DOK5: variants seen among roughly 807,000 people sequenced by gnomAD.
DOK5 encodes the protein downstream of tyrosine kinase 5.
A neutral mutation model predicts 43.3 loss-of-function variants in DOK5; 27 were observed. That is an observed-to-expected ratio of 0.62 (90% confidence interval 0.46 to 0.86). The LOEUF (loss-of-function observed/expected upper bound fraction) is 0.86. Ranked by LOEUF, DOK5 falls within the 40% of genes least tolerant of loss-of-function variation. The pLI is 0.00. For missense variants in DOK5, 373 were observed against 392.9 expected (o/e 0.95, Z 0.43); for synonymous variants, 146 against 140.1 (o/e 1.04, Z -0.30).
At chr20:54,611,137 G>A (rs915627844) in intron 6 of DOK5, among the ~76,000 whole-genome samples, 1 of 152,156 alleles carries the variant, frequency 6.6e-6, no homozygotes, top group East Asian at 1.9e-4. Context: ...ACAGCCATGC[G>A]TGTGCCATCT....
intron 1 of DOK5, among the ~76,000 whole-genome samples, chr20:54,486,556 T>TACACACACACACATGCAC (rs1054155617): frequency 6.6e-6 from 1 of 150,998 alleles, no homozygotes; most frequent in East Asian, 1.9e-4. Flanking sequence ...TTTCTCATTT[T>TACACACACACACATGCAC]ACACACACAC....
chr20:54,588,610 C>A lies in DOK5; in HGVS notation c.289+13C>A. The A allele has an allele frequency of 6.2e-7, 1 of 1,614,076 alleles. No individual in the cohort carries two copies. The highest frequency in any genetic ancestry group is 8.5e-7 in the Non-Finnish European group (1 of 1,179,938). On this transcript the variant is annotated intron_variant, in intron 3 of 7. Coordinates refer to ENST00000262593, the MANE Select transcript of DOK5 (RefSeq NM_018431.5). Reference sequence around the variant, plus strand: ...GCTTGCGAATCAGGTTTGTCTCAGGCAGGGCTGGGGGGCTTTTGCTTTTAG... The same window carrying A: ...GCTTGCGAATCAGGTTTGTCTCAGGAAGGGCTGGGGGGCTTTTGCTTTTAG...
At chr20:54,597,696 G>A (rs1454464497) in intron 5 of DOK5, among the ~76,000 whole-genome samples, 1 of 152,128 alleles carries the variant, frequency 6.6e-6, no homozygotes, top group Admixed American at 6.6e-5. Flanking sequence ...CTGGAGGTTA[G>A]CCTAGTTCTT....
intron 7 of DOK5, among the ~76,000 whole-genome samples, chr20:54,644,503 G>C (rs1979279706): frequency 6.6e-6 from 1 of 151,802 alleles, no homozygotes; most frequent in Non-Finnish European, 1.5e-5. Context: ...AGGAGATCGA[G>C]ACCATCCTGG....
chr20:54,645,245 A>G (rs1979352429), intron 7 of DOK5, among the ~76,000 whole-genome samples: 1 of 141,848 alleles, frequency 7.0e-6, no homozygotes, highest in Non-Finnish European at 1.6e-5. Flanking sequence ...TTAGTCCTCC[A>G]TGCTCGCTCT....
At chr20:54,480,106 C>T (rs540584085) in intron 1 of DOK5, among the ~76,000 whole-genome samples, 1 of 152,230 alleles carries the variant, frequency 6.6e-6, no homozygotes, top group East Asian at 1.9e-4. Context: ...TAAAGTGTTC[C>T]TTTGGAAATG....
intron 2 of DOK5, among the ~76,000 whole-genome samples, chr20:54,578,823 G>A (rs777943563): frequency 1.2e-4 from 18 of 152,124 alleles, no homozygotes; most frequent in South Asian, 4.2e-4. Context: ...TGTTGCTTGC[G>A]GAATACAATC....
At chr20:54,489,447 T>G (rs1470866104) in intron 1 of DOK5, among the ~76,000 whole-genome samples, 1 of 152,164 alleles carries the variant, frequency 6.6e-6, no homozygotes, top group Non-Finnish European at 1.5e-5. Context: ...TGCGTTTGCA[T>G]GCAATTTATA....
At chr20:54,636,919 A>G (rs903223952) in intron 6 of DOK5, among the ~76,000 whole-genome samples, 3 of 152,220 alleles carry the variant, frequency 2.0e-5, no homozygotes, top group Admixed American at 6.5e-5. Flanking sequence ...GGGGGGGACA[A>G]ACATTCAAAC....
rs1274245501 is a variant in DOK5 at position 54,496,792 on chromosome 20, A to T, written c.66+20780A>T. ...AAAAAAAAAAAAAAAAAAAAGAAAA[A>T]AATGAACCAGCATAAATCGACATTT... On this transcript the variant is annotated intron_variant, in intron 1 of 7. Transcript: ENST00000262593. 5.3e-5 allele frequency among the ~76,000 whole-genome samples: 8 copies of T among 151,980 alleles called. No homozygotes were observed. The East Asian group carries it at 1.5e-3, about 29-fold the overall frequency.
intron 6 of DOK5, among the ~76,000 whole-genome samples, chr20:54,636,471 A>C (rs1372326968): frequency 2.6e-5 from 4 of 152,232 alleles, no homozygotes; most frequent in African/African-American, 9.6e-5. Context: ...ATGGCTGTTC[A>C]GATTTTTGCA....
At chr20:54,590,297 G>A (rs1338494725) in intron 4 of DOK5, among the ~76,000 whole-genome samples, 1 of 152,096 alleles carries the variant, frequency 6.6e-6, no homozygotes, top group African/African-American at 2.4e-5. Flanking sequence ...CCTTTCCAAT[G>A]TTAATTAGTA....
intron 1 of DOK5, among the ~76,000 whole-genome samples, chr20:54,493,357 G>A (rs934585782): frequency 1.1e-4 from 16 of 151,952 alleles, no homozygotes; most frequent in South Asian, 6.2e-4. Flanking sequence ...GTAGGCACGC[G>A]CTTTCCTTTG....
intron 1 of DOK5, among the ~76,000 whole-genome samples, chr20:54,503,029 T>C (rs1982669111): frequency 6.6e-6 from 1 of 152,170 alleles, no homozygotes; most frequent in African/African-American, 2.4e-5. Flanking sequence ...ATACTATGTT[T>C]TGTGTAAGAA....
In DOK5 at chr20:54,475,793, T is replaced by G; in HGVS notation, c.-154T>G. On this transcript the variant is annotated 5_prime_UTR_variant, in exon 1 of 8. Transcript: ENST00000262593. The surrounding 1 kb of genome is among the most constrained non-coding windows in gnomAD (Gnocchi z 4.2). Reference sequence around the variant, plus strand: ...GGTTGGGGGGACAGAGAAAGTGATGTGCGCCTTCTAAAGCCTCGCCCAGCG... The same window carrying G: ...GGTTGGGGGGACAGAGAAAGTGATGGGCGCCTTCTAAAGCCTCGCCCAGCG... The G allele has an allele frequency of 1.2e-6, 1 of 860,266 alleles. No homozygotes were observed. Among genetic ancestry groups the G allele is most frequent in the Non-Finnish European group, 1.8e-6 (1 of 550,998 alleles). 53.3% of individuals were successfully genotyped at this position (860,266 alleles called of 1,614,324 possible).
chr20:54,579,717 G>T (rs552994207), intron 2 of DOK5, among the ~76,000 whole-genome samples: 1 of 152,184 alleles, frequency 6.6e-6, no homozygotes, highest in East Asian at 1.9e-4. Flanking sequence ...CCGTGTTGGA[G>T]CATATGACAG....
At chr20:54,585,165 G>C (rs1985764111) in intron 2 of DOK5, among the ~76,000 whole-genome samples, 1 of 150,812 alleles carries the variant, frequency 6.6e-6, no homozygotes, top group South Asian at 2.1e-4. Flanking sequence ...ATGTGTGTGT[G>C]TTGTGTGTGT....
chr20:54,571,284 C>A (rs538927137), intron 2 of DOK5, among the ~76,000 whole-genome samples: 1 of 152,186 alleles, frequency 6.6e-6, no homozygotes, highest in Non-Finnish European at 1.5e-5. Flanking sequence ...GTCTGCCTCG[C>A]TCTCAGGACC....
rs1377699473 is a variant in DOK5, at chr20:54,561,431, T to C, written c.174+6391T>C. Reference sequence around the variant, plus strand: ...CACAGAAGACACATACCCTTCTTCGTCTCTTGTTCTTTCCTACTGATTCGA... The same window carrying C: ...CACAGAAGACACATACCCTTCTTCGCCTCTTGTTCTTTCCTACTGATTCGA... On this transcript the variant is annotated intron_variant, in intron 2 of 7. Transcript: ENST00000262593. Among the ~76,000 whole-genome samples the C allele has an allele frequency of 5.3e-5, 8 of 152,160 alleles. No homozygotes were observed. The East Asian group carries it at 1.5e-3, about 29-fold the overall frequency.
Sources: gnomAD v4.1 joint callset for allele counts (sites outside exome capture counted in the v4.1 genomes callset) on GRCh38, gnomAD v4.1.1 for gene constraint, Gnocchi (gnomAD v3.1) non-coding constraint, MANE v1.5 for transcripts, NCBI Gene and HGNC (gene_info 2026-07-23, HGNC 2026-07-21) for gene names.